The following IQUB variants were observed in gnomAD, a reference collection of about 807,000 sequenced individuals.
IQUB encodes IQ motif and ubiquitin-like domain-containing protein.
IQUB carries 86 observed loss-of-function variants against 86.4 expected under a neutral mutation model. The ratio of observed to expected loss-of-function variants is 1.00; its 90% CI spans 0.84 to 1.19. IQUB has a LOEUF of 1.19. IQUB is among the 50% of genes most tolerant of loss of function. The pLI is 0.00. For synonymous variants in IQUB, 289 were observed against 304.5 expected, an observed-to-expected ratio of 0.95 and a Z score of 0.53; for missense variants, 946 against 916.9, an observed-to-expected ratio of 1.03 and a Z score of -0.41.
At position 123,464,837 on chromosome 7, in the gene IQUB, A is replaced by G; in HGVS notation, c.1754T>C (p.Leu585Pro). The G allele has an allele frequency of 6.4e-7, 1 of 1,568,876 alleles. No individual in the cohort carries two copies. Among genetic ancestry groups the G allele is most frequent in the South Asian group, 1.2e-5 (1 of 84,272 alleles). The change falls in exon 10 of 13, where the codon CTT (leucine) becomes CCT (proline). Residue 585 changes from leucine to proline, a missense_variant. Leu to Pro is a moderately conservative substitution (Grantham distance 98, BLOSUM62 -3). Transcript: ENST00000324698. ...ATAGAGAAAAATGTAGAATACCTTA[A>G]GGTATTTTGCAACTTCAGGATTAAA... ...PLFNPEVAKYLKVPQDPLKFY... is the reference protein window; with the variant it reads ...PLFNPEVAKYPKVPQDPLKFY...
intron 10 of IQUB, chr7:123,462,756 T>G (rs1261282695): frequency 4.5e-6 from 2 of 439,886 alleles, no homozygotes; most frequent in African/African-American, 4.0e-5. Context: ...GTCAACCTCA[T>G]GAAAACACGT....
chr7:123,527,191 T>C (rs1797265951), intron 1 of IQUB, among the ~76,000 whole-genome samples: 1 of 152,236 alleles, frequency 6.6e-6, no homozygotes, highest in Non-Finnish European at 1.5e-5. Flanking sequence ...CTTTTCTTTA[T>C]TGGTTATTGT....
chr7:123,489,203 C>CTA lies in IQUB; in HGVS notation c.1234+7491_1234+7492dup, dbSNP rs1795350445. On this transcript the variant is annotated intron_variant, in intron 7 of 12. Coordinates refer to ENST00000324698, the MANE Select transcript of IQUB (RefSeq NM_178827.5). Reference sequence around the variant, plus strand: ...TCCTACCTTTTAGTAAGGGTAGTTGCTATATATATGTCTGCATATGTAAAA... The same window carrying CTA: ...TCCTACCTTTTAGTAAGGGTAGTTGCTATATATATATGTCTGCATATGTAAAA... Among the ~76,000 whole-genome samples, 4 of 152,160 alleles carry CTA rather than the reference C, an allele frequency of 2.6e-5. No homozygotes were observed. In the South Asian group the frequency reaches 8.3e-4, roughly 32 times the overall value.
chr7:123,508,393 A>G (rs1796282923), intron 3 of IQUB, among the ~76,000 whole-genome samples: 1 of 152,230 alleles, frequency 6.6e-6, no homozygotes, highest in Non-Finnish European at 1.5e-5. Flanking sequence ...CTGTTAGAAC[A>G]GCCATAAGAA....
At chr7:123,459,162 T>C (rs1216478784) in intron 11 of IQUB, among the ~76,000 whole-genome samples, 2 of 151,964 alleles carry the variant, frequency 1.3e-5, no homozygotes, top group Non-Finnish European at 2.9e-5. Context: ...CCTACATAGA[T>C]ACGGTACTGA....
At position 123,471,749 on chromosome 7, in the gene IQUB, T is replaced by C. The variant is rs190200197; in HGVS notation, c.1411-2365A>G. On this transcript the variant is annotated intron_variant, in intron 8 of 12. Transcript: ENST00000324698. ...CCATTTTGAACTCAAACCCTACCTCTTCCATAAAGATTCCTCTAACTACTA... is the reference window on the plus strand; with the variant it reads ...CCATTTTGAACTCAAACCCTACCTCCTCCATAAAGATTCCTCTAACTACTA... Among the ~76,000 whole-genome samples, 508 of 152,304 alleles carry C rather than the reference T, an allele frequency of 3.3e-3. 5 individuals carry two copies. Among genetic ancestry groups the C allele is most frequent in the Non-Finnish European group, 3.5e-3 (240 of 68,030 alleles).
intron 5 of IQUB, 40 bp from the exon 6 acceptor site, chr7:123,502,792 T>C (rs756825605): frequency 3.4e-6 from 5 of 1,469,594 alleles, no homozygotes; most frequent in Non-Finnish European, 4.6e-6. Context: ...GTATCCCCTA[T>C]ATATATACAT....
At chr7:123,482,617 C>T (rs558579503) in intron 7 of IQUB, among the ~76,000 whole-genome samples, 3 of 151,892 alleles carry the variant, frequency 2.0e-5, no homozygotes, top group African/African-American at 4.8e-5. Context: ...TGTGAAAATG[C>T]GTAGGATGCA....
chr7:123,473,645 G>A (rs2003145), intron 8 of IQUB, among the ~76,000 whole-genome samples: 49,227 of 151,718 alleles, frequency 0.32, 8,585 homozygotes, highest in Admixed American at 0.4. Context: ...GTGCAATCTC[G>A]GCTCACTGCA....
At chr7:123,525,402 G>A (rs1300802960) in intron 1 of IQUB, among the ~76,000 whole-genome samples, 4 of 152,060 alleles carry the variant, frequency 2.6e-5, no homozygotes, top group Non-Finnish European at 5.9e-5. Flanking sequence ...CTATTCAGAG[G>A]TTCAACTTCT....
chr7:123,467,546 T>A (rs902348179), intron 9 of IQUB, among the ~76,000 whole-genome samples: 6 of 152,132 alleles, frequency 3.9e-5, no homozygotes, highest in Non-Finnish European at 5.9e-5. Context: ...GAGTCTGGGG[T>A]ATGTGAAAAC....
intron 8 of IQUB, among the ~76,000 whole-genome samples, chr7:123,472,575 T>C (rs764325769): frequency 2.0e-5 from 3 of 152,106 alleles, no homozygotes; most frequent in Non-Finnish European, 2.9e-5. Flanking sequence ...TAAGATGAAA[T>C]CTGAAGAATA....
At position 123,457,586 on chromosome 7, in the gene IQUB, T is replaced by G; in HGVS notation, c.2008-20A>C. ...TTGTAGCTGCATGTCAAAGCAAGTTTTAAAAACAATGTAGTTTAAATTTGT... is the reference window on the plus strand; with the variant it reads ...TTGTAGCTGCATGTCAAAGCAAGTTGTAAAAACAATGTAGTTTAAATTTGT... On this transcript the variant is annotated intron_variant, in intron 11 of 12. Coordinates refer to ENST00000324698, the MANE Select transcript of IQUB (RefSeq NM_178827.5). 1.3e-6 allele frequency: 2 copies of G among 1,563,958 alleles called. No homozygotes were observed. The highest frequency in any genetic ancestry group is 1.7e-6 in the Non-Finnish European group (2 of 1,150,334).
At chr7:123,502,806 G>T (rs1796007566) in intron 5 of IQUB, 54 bp from the exon 6 acceptor site, 2 of 1,431,888 alleles carry the variant, frequency 1.4e-6, no homozygotes, top group East Asian at 4.7e-5. Flanking sequence ...TATACATAAG[G>T]GAGTTTTTCT....
At chr7:123,469,154 C>A in intron 9 of IQUB, 60 bp downstream of exon 9, 1 of 1,157,950 alleles carries the variant, frequency 8.6e-7, no homozygotes, top group Non-Finnish European at 1.2e-6. Context: ...TTTAGTATTT[C>A]ATTAATTTTT....
chr7:123,525,144 A>G (rs1239882266), intron 1 of IQUB, among the ~76,000 whole-genome samples: 1 of 152,092 alleles, frequency 6.6e-6, no homozygotes, highest in Non-Finnish European at 1.5e-5. Context: ...TTCATCAAGG[A>G]TATTGGTCTA....
chr7:123,519,700 T>C (rs965305701), intron 1 of IQUB, among the ~76,000 whole-genome samples: 6 of 152,132 alleles, frequency 3.9e-5, no homozygotes, highest in African/African-American at 1.4e-4. Flanking sequence ...CAAAAATACA[T>C]TTACATAGAA....
rs537686114 is a variant in IQUB, at chr7:123,502,886, C to T, written c.867+58G>A. The T allele has an allele frequency of 2.1e-5, 31 of 1,450,934 alleles. 1 individual carries two copies. The East Asian group carries it at 5.2e-4, about 24-fold the overall frequency. The allele number at this position is 1,450,934 out of a possible 1,614,324, so 89.9% of individuals were successfully genotyped here. A position where few individuals can be genotyped will look rare whatever the true frequency, so the allele number is the denominator to read the frequency against. ...TTAAGAGAAATTTGAGAGAGTCATA[C>T]AGTACAATTATTGAGTCTATACCTT... On this transcript the variant is annotated intron_variant, in intron 5 of 12. Transcript: ENST00000324698.
At chr7:123,482,776 T>C (rs1193579352) in intron 7 of IQUB, among the ~76,000 whole-genome samples, 3 of 152,096 alleles carry the variant, frequency 2.0e-5, no homozygotes, top group Admixed American at 6.6e-5. Context: ...AGAGCATGTC[T>C]TCTGGGTACT....
Sources: gnomAD v4.1 joint callset for allele counts (sites outside exome capture counted in the v4.1 genomes callset) on GRCh38, gnomAD v4.1.1 for gene constraint, MANE v1.5 for transcripts, NCBI Gene and HGNC (gene_info 2026-07-23, HGNC 2026-07-21) for gene names.